The following FSTL5 variants were observed in gnomAD, a reference collection of about 807,000 sequenced individuals.
FSTL5 encodes the protein follistatin like 5.
A neutral mutation model predicts 89.1 loss-of-function variants in FSTL5; 62 were observed. That is an observed-to-expected ratio of 0.70 (90% CI 0.57 to 0.86). The LOEUF (loss-of-function observed/expected upper bound fraction) is 0.86, where lower values mean the gene tolerates loss of function less well. Among genes scored for constraint, FSTL5 ranks in the 40% least tolerant of loss-of-function variants. The probability of loss-of-function intolerance (pLI) is 0.00; values close to 1 mark genes in which losing one functional copy is unlikely to be tolerated. For synonymous variants in FSTL5, 383 were observed against 346.2 expected (o/e 1.11, Z -1.18); for missense variants, 1,057 against 1,001.6 (o/e 1.06, Z -0.75).
intron 3 of FSTL5, among the ~76,000 whole-genome samples, chr4:161,989,112 TA>T (rs1429232560): frequency 6.6e-6 from 1 of 152,082 alleles, no homozygotes; most frequent in Non-Finnish European, 1.5e-5. Context: ...ACTTGAGAAA[TA>T]AAATAGACAT....
At chr4:161,600,734 A>G (rs1734201177) in intron 7 of FSTL5, among the ~76,000 whole-genome samples, 2 of 152,184 alleles carry the variant, frequency 1.3e-5, no homozygotes, top group South Asian at 4.1e-4. Context: ...TCATAATCGA[A>G]TGGCCCAAAA....
At chr4:161,572,282 T>C (rs1044687900) in intron 8 of FSTL5, among the ~76,000 whole-genome samples, 2 of 129,032 alleles carry the variant, frequency 1.6e-5, no homozygotes, top group Non-Finnish European at 3.1e-5. Context: ...ATTGTGCCAC[T>C]GCACTCCAGC....
rs77305009 is a variant in FSTL5 at position 161,569,292 on chromosome 4, G to T, written c.1015+18163C>A. On this transcript the variant is annotated intron_variant, in intron 8 of 15. Coordinates refer to ENST00000306100, the MANE Select transcript of FSTL5 (RefSeq NM_020116.5). ...GAACAAATACAAAGTAAAAAGCCAT[G>T]GCTGCCATAAACATTTCTTGGTATC... Among the ~76,000 whole-genome samples the T allele has an allele frequency of 2.8e-3, 428 of 152,204 alleles. 2 individuals are homozygous for T. Among genetic ancestry groups the T allele is most frequent in the Admixed American group, 0.014 (213 of 15,270 alleles).
chr4:161,405,191 C>T (rs1291652632), intron 15 of FSTL5, among the ~76,000 whole-genome samples: 4 of 151,424 alleles, frequency 2.6e-5, no homozygotes, highest in Admixed American at 2.6e-4. Flanking sequence ...CGAGATCATG[C>T]TACTGCACTC....
chr4:161,577,118 T>C (rs1351286029), intron 8 of FSTL5, among the ~76,000 whole-genome samples: 1 of 152,192 alleles, frequency 6.6e-6, no homozygotes, highest in Non-Finnish European at 1.5e-5. Flanking sequence ...CTAGTGAGTA[T>C]TTGCCATGTT....
chr4:161,770,981 C>A (rs1474428986), intron 5 of FSTL5, among the ~76,000 whole-genome samples: 1 of 151,800 alleles, frequency 6.6e-6, no homozygotes, highest in Non-Finnish European at 1.5e-5. Flanking sequence ...ATGAGATGAA[C>A]AAAACGAATA....
At chr4:162,009,054 A>C (rs181639570) in intron 3 of FSTL5, among the ~76,000 whole-genome samples, 117 of 152,228 alleles carry the variant, frequency 7.7e-4, no homozygotes, top group African/African-American at 2.6e-3. Flanking sequence ...GTGTCCAAAA[A>C]TTACATATGT....
chr4:161,659,932 C>G (rs1736648647), intron 6 of FSTL5, among the ~76,000 whole-genome samples: 1 of 152,140 alleles, frequency 6.6e-6, no homozygotes, highest in Non-Finnish European at 1.5e-5. Context: ...TTTTATACCC[C>G]TCTGCATCCT....
chr4:161,831,600 A>G (rs1730846646), intron 4 of FSTL5, among the ~76,000 whole-genome samples: 1 of 151,958 alleles, frequency 6.6e-6, no homozygotes, highest in Admixed American at 6.6e-5. Flanking sequence ...CATTATATGT[A>G]TTTGAGATTA....
At chr4:161,573,500 A>G (rs1279166497) in intron 8 of FSTL5, among the ~76,000 whole-genome samples, 7 of 150,880 alleles carry the variant, frequency 4.6e-5, no homozygotes, top group Admixed American at 4.6e-4. Context: ...GCACTTTGGG[A>G]GGCCGAGGGT....
chr4:161,963,467 T>C (rs1735238305), intron 3 of FSTL5, among the ~76,000 whole-genome samples: 1 of 151,956 alleles, frequency 6.6e-6, no homozygotes, highest in Admixed American at 6.6e-5. Context: ...CCTTGGTTCC[T>C]GTATCACAGA....
chr4:161,881,005 A>G (rs4691802), intron 4 of FSTL5, among the ~76,000 whole-genome samples: 125,853 of 151,388 alleles, frequency 0.83, 52,971 homozygotes, highest in Non-Finnish European at 0.9. Context: ...AGAAAGCGCA[A>G]TAGAAGGGTG....
At chr4:161,707,180 T>G (rs140118153) in intron 6 of FSTL5, among the ~76,000 whole-genome samples, 3 of 151,906 alleles carry the variant, frequency 2.0e-5, no homozygotes, top group African/African-American at 7.2e-5. Flanking sequence ...ATAATTTGTA[T>G]AAACAATTGC....
intron 7 of FSTL5, among the ~76,000 whole-genome samples, chr4:161,645,238 A>ATTATTATT (rs1736111947): frequency 1.3e-5 from 2 of 152,090 alleles, no homozygotes; most frequent in Non-Finnish European, 2.9e-5. Flanking sequence ...TTTAGCCAAA[A>ATTATTATT]TTATTATTTA....
chr4:162,038,696 G>A (rs1737833541), intron 2 of FSTL5, among the ~76,000 whole-genome samples: 1 of 151,846 alleles, frequency 6.6e-6, no homozygotes, highest in Non-Finnish European at 1.5e-5. Context: ...AACATTTGAT[G>A]ATGGCTATGT....
intron 4 of FSTL5, among the ~76,000 whole-genome samples, chr4:161,848,036 CAAAAAAAAA>C (rs139315536): frequency 2.1e-5 from 1 of 48,202 alleles, no homozygotes; most frequent in Non-Finnish European, 3.4e-5. Flanking sequence ...GACTCCGTCT[CAAAAAAAAA>C]AAAAAAAAAA....
chr4:162,045,664 C>T (rs1278498061), intron 2 of FSTL5, among the ~76,000 whole-genome samples: 1 of 152,058 alleles, frequency 6.6e-6, no homozygotes, highest in Non-Finnish European at 1.5e-5. Context: ...CACCGACAGA[C>T]TTGCTTAACA....
At chr4:162,021,260 A>C (rs2111157524) in intron 3 of FSTL5, among the ~76,000 whole-genome samples, 1 of 152,264 alleles carries the variant, frequency 6.6e-6, no homozygotes, top group South Asian at 2.1e-4. Flanking sequence ...AGAAAGGTTT[A>C]ACTGTATTGC....
At chr4:161,437,477 G>C (rs1436956614) in intron 15 of FSTL5, among the ~76,000 whole-genome samples, 1 of 147,366 alleles carries the variant, frequency 6.8e-6, no homozygotes, top group African/African-American at 2.5e-5. Context: ...TGAGGCAGGA[G>C]AATGGCGTGA....
Sources: allele counts gnomAD v4.1 joint callset (sites outside exome capture counted in the v4.1 genomes callset), GRCh38; gene constraint gnomAD v4.1.1; transcripts MANE v1.5; gene names NCBI Gene and HGNC (gene_info 2026-07-23, HGNC 2026-07-21).